Variants in SLC16A12 observed in about 807,000 individuals in gnomAD.
SLC16A12 encodes monocarboxylate transporter 12.
Under a neutral mutation model 42.4 loss-of-function variants are expected in SLC16A12, and 17 were observed. The ratio of observed to expected loss-of-function variants is 0.40; its 90% confidence interval spans 0.27 to 0.60. The LOEUF (loss-of-function observed/expected upper bound fraction) is 0.60, where lower values mean the gene tolerates loss of function less well. Ranked by LOEUF, SLC16A12 falls within the 20% of genes least tolerant of loss-of-function variation. SLC16A12 has a pLI of 0.42. For missense variants in SLC16A12, 544 were observed against 623.0 expected (o/e 0.87, Z 1.35); for synonymous variants, 224 against 229.4 (o/e 0.98, Z 0.21).
chr10:89,517,436 A>G (rs914271159), intron 2 of SLC16A12, among the ~76,000 whole-genome samples: 6 of 151,748 alleles, frequency 4.0e-5, no homozygotes, highest in African/African-American at 1.5e-4. Flanking sequence ...TCAGCCTCCC[A>G]AGTAGGTAGG....
chr10:89,489,096 T>G (rs1447263949), intron 2 of SLC16A12, among the ~76,000 whole-genome samples: 1 of 152,216 alleles, frequency 6.6e-6, no homozygotes, highest in Non-Finnish European at 1.5e-5. Flanking sequence ...AAATTACTAC[T>G]GTTATTGTTT....
At chr10:89,539,085 C>T (rs1316458545), upstream of SLC16A12, among the ~76,000 whole-genome samples, 1 of 152,162 alleles carries the variant, frequency 6.6e-6, no homozygotes. Flanking sequence ...CTGCTGTATT[C>T]ATAGTGGAGC....
chr10:89,550,695 A>G (rs1335860845), intron 2 of SLC16A12, among the ~76,000 whole-genome samples: 1 of 150,746 alleles, frequency 6.6e-6, no homozygotes, highest in African/African-American at 2.4e-5. Context: ...ACACTCCCAT[A>G]TCTCGCTATA....
chr10:89,462,528 C>T lies in SLC16A12; in HGVS notation c.51G>A (p.Trp17Ter). The T allele has an allele frequency of 1.2e-6, 2 of 1,613,386 alleles. No individual in the cohort carries two copies. Among genetic ancestry groups the T allele is most frequent in the Non-Finnish European group, 1.7e-6 (2 of 1,179,872 alleles). ...CTTCTTTTCCAGGTTGCTCCAACAG[C>T]CAAGTTATGATCTTGGAAGAGTTTG... ...WTANSSKIITWLLEQPGKEEK... is the reference protein window; with the variant it reads ...WTANSSKIIT Residue 17 changes from tryptophan (W) to a stop codon, truncating the protein, a stop_gained, in exon 3 of 8, where the codon TGG (tryptophan) becomes TGA (stop). Transcript: ENST00000371790. LOFTEE classifies it high-confidence loss of function.
rs1370069931 is a variant in SLC16A12, at chr10:89,436,236, T to C, written c.1112A>G (p.Gln371Arg). ...GLCYLCLPMLQSLPLLVPFSC... is the reference protein window; with the variant it reads ...GLCYLCLPMLRSLPLLVPFSC... ...GAAAGGCACGAGCAGAGGGAGACTT[T>C]GAAGCATTGGGAGGCAGAGATAGCA... is the stretch of plus-strand genomic sequence containing the variant. The change falls in exon 7 of 8, where the codon CAA (glutamine) becomes CGA (arginine). Residue 371 changes from glutamine to arginine, a missense_variant. Physicochemically the swap from Gln to Arg is conservative, Grantham distance 43 (BLOSUM62 1). Transcript: ENST00000371790. 1 of 1,614,108 alleles carries C rather than the reference T, an allele frequency of 6.2e-7. No homozygotes were observed. The highest frequency in any genetic ancestry group is 8.5e-7 in the Non-Finnish European group (1 of 1,179,992).
intron 2 of SLC16A12, among the ~76,000 whole-genome samples, chr10:89,492,768 G>C (rs774606868): frequency 1.1e-4 from 16 of 151,782 alleles, no homozygotes; most frequent in Non-Finnish European, 2.1e-4. Flanking sequence ...CTAAGACTCA[G>C]ACCAATCTAG....
At chr10:89,526,169 CT>C (rs1258416363) in intron 2 of SLC16A12, among the ~76,000 whole-genome samples, 1 of 152,044 alleles carries the variant, frequency 6.6e-6, no homozygotes, top group East Asian at 1.9e-4. Context: ...TGCATCAACT[CT>C]TTTGGCAGTT....
intron 3 of SLC16A12, among the ~76,000 whole-genome samples, chr10:89,446,192 T>C (rs1841998721): frequency 6.6e-6 from 1 of 152,138 alleles, no homozygotes; most frequent in African/African-American, 2.4e-5. Flanking sequence ...TTCAGGATAT[T>C]ATCCAGGAGA....
chr10:89,482,539 G>C (rs531179277), intron 2 of SLC16A12, among the ~76,000 whole-genome samples: 5 of 152,276 alleles, frequency 3.3e-5, no homozygotes, highest in Admixed American at 6.5e-5. Context: ...CCAGCACTTG[G>C]GGAGGCTGAG....
At chr10:89,508,093 T>C (rs1666915705) in intron 2 of SLC16A12, among the ~76,000 whole-genome samples, 1 of 152,152 alleles carries the variant, frequency 6.6e-6, no homozygotes, top group South Asian at 2.1e-4. Flanking sequence ...TTTAGAGACC[T>C]ACAAAGAGAC....
chr10:89,458,842 C>T (rs1445626767), intron 3 of SLC16A12, among the ~76,000 whole-genome samples: 1 of 152,176 alleles, frequency 6.6e-6, no homozygotes, highest in African/African-American at 2.4e-5. Flanking sequence ...GATGGATTAT[C>T]CCCTTCCTAT....
At chr10:89,435,115 G>A (rs1841756996) in intron 7 of SLC16A12, among the ~76,000 whole-genome samples, 1 of 152,072 alleles carries the variant, frequency 6.6e-6, no homozygotes, top group Non-Finnish European at 1.5e-5. Flanking sequence ...TAGCATTTTA[G>A]AGTTTATAAA....
chr10:89,485,148 C>T (rs1009465686), intron 2 of SLC16A12, among the ~76,000 whole-genome samples: 1 of 152,142 alleles, frequency 6.6e-6, no homozygotes, highest in Non-Finnish European at 1.5e-5. Flanking sequence ...CAATTTGGCT[C>T]CCCAGAGGAC....
chr10:89,430,701 C>A lies in SLC16A12; in HGVS notation c.*2363G>T. On this transcript the variant is annotated 3_prime_UTR_variant, in exon 8 of 8. Transcript: ENST00000371790. ...CTGCCTCAAAAGGGAAAGTAAAATG[C>A]AAATCTATGCATGTATAAAGTCAAA... The A allele has an allele frequency of 2.2e-6, 1 of 463,378 alleles. No homozygotes were observed. The highest frequency in any genetic ancestry group is 1.6e-5 in the South Asian group (1 of 62,296). 28.7% of individuals were successfully genotyped at this position (463,378 alleles called of 1,614,324 possible).
At chr10:89,499,302 C>T (rs118147938) in intron 2 of SLC16A12, among the ~76,000 whole-genome samples, 12,528 of 152,186 alleles carry the variant, frequency 0.082, 705 homozygotes, top group Non-Finnish European at 0.12. Context: ...TGCCTGTAAT[C>T]CTGGCCCTTT....
At chr10:89,436,850 AAAAG>A (rs1278474109) in intron 6 of SLC16A12, among the ~76,000 whole-genome samples, 1 of 111,150 alleles carries the variant, frequency 9.0e-6, no homozygotes, top group Non-Finnish European at 1.9e-5. Flanking sequence ...AGAAAGAAAG[AAAAG>A]AAAGAAATAA....
chr10:89,533,833 TAA>T (rs113124054), intron 2 of SLC16A12, among the ~76,000 whole-genome samples: 2 of 145,754 alleles, frequency 1.4e-5, no homozygotes, highest in Non-Finnish European at 1.5e-5. Context: ...TCCCATCAGT[TAA>T]AAAAAAAAAA....
chr10:89,470,831 T>C (rs1468073533), intron 2 of SLC16A12, among the ~76,000 whole-genome samples: 2 of 152,108 alleles, frequency 1.3e-5, no homozygotes, highest in African/African-American at 2.4e-5. Flanking sequence ...CAGTAACCAA[T>C]ACTAGGAAAA....
At chr10:89,553,860 G>C (rs1335782748) in intron 2 of SLC16A12, among the ~76,000 whole-genome samples, 1 of 151,752 alleles carries the variant, frequency 6.6e-6, no homozygotes, top group Non-Finnish European at 1.5e-5. Flanking sequence ...GCCAGGCGTG[G>C]TGGCAGGTGC....
Sources: allele counts gnomAD v4.1 joint callset (sites outside exome capture counted in the v4.1 genomes callset), GRCh38; gene constraint gnomAD v4.1.1; transcripts MANE v1.5; gene names NCBI Gene and HGNC (gene_info 2026-07-23, HGNC 2026-07-21).